Variants in SGCZ observed in about 807,000 individuals in gnomAD.
SGCZ encodes sarcoglycan zeta.
SGCZ carries 40 observed loss-of-function variants against 41.3 expected under a neutral mutation model. The ratio of observed to expected loss-of-function variants is 0.97; its 90% CI spans 0.75 to 1.26. The LOEUF is 1.26. SGCZ is among the 50% of genes most tolerant of loss of function. SGCZ has a pLI of 0.00. For synonymous variants in SGCZ, 206 were observed against 137.5 expected (o/e 1.50, Z -3.49); for missense variants, 552 against 369.8 (o/e 1.49, Z -4.04).
chr8:14,320,130 A>G (rs1476250463), intron 3 of SGCZ, among the ~76,000 whole-genome samples: 3 of 151,752 alleles, frequency 2.0e-5, no homozygotes, highest in East Asian at 1.9e-4. Flanking sequence ...GAGTGTAAAG[A>G]CTTTGGAGTG....
chr8:14,836,763 A>C, intron 1 of SGCZ, among the ~76,000 whole-genome samples: 1 of 152,166 alleles, frequency 6.6e-6, no homozygotes, highest in East Asian at 1.9e-4. Flanking sequence ...CGGCTTCCCA[A>C]AGTGCTCAGA....
At position 14,102,460 on chromosome 8, in the gene SGCZ, G is replaced by A. The variant is rs773988034; in HGVS notation, c.660C>T (p.Pro220=). ...SPTRSLIMEA[P]RGVQVSAAAG... ...CAGCAGCACTCACCTGGACCCCACG[G>A]GGAGCTTCCATGATCAAGGATCTGG... The change falls in exon 7 of 8, where the codon CCC becomes CCT. Residue 220 remains proline, a synonymous_variant. Transcript: ENST00000382080. The A allele has an allele frequency of 2.7e-6, 4 of 1,500,936 alleles. No individual in the cohort carries two copies. The highest frequency in any genetic ancestry group is 3.6e-6 in the Non-Finnish European group (4 of 1,109,780). The allele number at this position is 1,500,936 out of a possible 1,614,324, so 93.0% of individuals were successfully genotyped here.
chr8:14,149,840 T>G (rs1803644302), intron 5 of SGCZ, among the ~76,000 whole-genome samples: 1 of 151,616 alleles, frequency 6.6e-6, no homozygotes, highest in Non-Finnish European at 1.5e-5. Flanking sequence ...CATAGACAAA[T>G]AAAACATAAT....
At position 14,713,295 on chromosome 8, in the gene SGCZ, A is replaced by G. The variant is rs535627332; in HGVS notation, c.40-158369T>C. 2.6e-5 allele frequency among the ~76,000 whole-genome samples: 4 copies of G among 152,294 alleles called. No individual in the cohort carries two copies. The South Asian group carries it at 8.3e-4, about 32-fold the overall frequency. ...ACTTCAACATTGCAGAGTAACTTAC[A>G]TTTTCAGATATTTTCATCCATTGTT... On this transcript the variant is annotated intron_variant, in intron 1 of 7. Coordinates refer to ENST00000382080, the MANE Select transcript of SGCZ (RefSeq NM_139167.4).
At chr8:14,274,237 T>C (rs113365910) in intron 3 of SGCZ, among the ~76,000 whole-genome samples, 30 of 152,168 alleles carry the variant, frequency 2.0e-4, no homozygotes, top group African/African-American at 6.3e-4. Context: ...AAATAAAGCA[T>C]TGAACTTAAC....
chr8:15,072,969 A>T (rs1199028045), intron 1 of SGCZ, among the ~76,000 whole-genome samples: 2 of 152,004 alleles, frequency 1.3e-5, no homozygotes, highest in Non-Finnish European at 2.9e-5. Flanking sequence ...TGCTGCTGGG[A>T]GTGATTTTAG....
intron 1 of SGCZ, among the ~76,000 whole-genome samples, chr8:15,050,305 T>C (rs12542871): frequency 0.54 from 82,212 of 152,052 alleles, 22,814 homozygotes; most frequent in Admixed American, 0.62. Flanking sequence ...CAAAGATACA[T>C]GAACTTGTAG....
chr8:15,162,033 G>A (rs1328105779), intron 1 of SGCZ, among the ~76,000 whole-genome samples: 1 of 152,130 alleles, frequency 6.6e-6, no homozygotes, highest in Non-Finnish European at 1.5e-5. Flanking sequence ...GAGGCAAACT[G>A]CCTTGACTAT....
intron 2 of SGCZ, among the ~76,000 whole-genome samples, chr8:14,474,056 T>C (rs946832045): frequency 2.6e-5 from 4 of 151,926 alleles, no homozygotes. Flanking sequence ...TTGGGGAAAG[T>C]TATAGGGGAA....
At chr8:14,979,651 T>A (rs1254868907) in intron 1 of SGCZ, among the ~76,000 whole-genome samples, 2 of 152,222 alleles carry the variant, frequency 1.3e-5, no homozygotes. Context: ...TCAAAGGCAC[T>A]GTTATTAATA....
chr8:15,155,835 A>T (rs1207204987), intron 1 of SGCZ, among the ~76,000 whole-genome samples: 1 of 152,124 alleles, frequency 6.6e-6, no homozygotes, highest in Non-Finnish European at 1.5e-5. Flanking sequence ...AGGCAGGTGG[A>T]CTGCCTGAGC....
At chr8:14,727,170 A>G (rs1345300130) in intron 1 of SGCZ, among the ~76,000 whole-genome samples, 1 of 152,164 alleles carries the variant, frequency 6.6e-6, no homozygotes, top group Non-Finnish European at 1.5e-5. Flanking sequence ...AAATACCTGA[A>G]CAAACACTTC....
chr8:14,341,699 G>A (rs1183132662), intron 2 of SGCZ, among the ~76,000 whole-genome samples: 1 of 152,090 alleles, frequency 6.6e-6, no homozygotes, highest in African/African-American at 2.4e-5. Flanking sequence ...TGAATCATGG[G>A]GGCCAGTCAT....
intron 1 of SGCZ, among the ~76,000 whole-genome samples, chr8:15,219,551 T>C (rs1047806048): frequency 6.6e-6 from 1 of 152,230 alleles, no homozygotes; most frequent in Non-Finnish European, 1.5e-5. Context: ...CAGACTATGA[T>C]GGGAACTTTA....
At chr8:15,151,351 G>A (rs1799175918) in intron 1 of SGCZ, among the ~76,000 whole-genome samples, 1 of 152,136 alleles carries the variant, frequency 6.6e-6, no homozygotes. Context: ...TGTTGTTCAA[G>A]CCATTCAACT....
intron 2 of SGCZ, among the ~76,000 whole-genome samples, chr8:14,439,327 A>C (rs189620762): frequency 2.7e-5 from 4 of 149,376 alleles, no homozygotes; most frequent in African/African-American, 9.8e-5. Flanking sequence ...ATATATATAT[A>C]TATCTCCTCA....
intron 1 of SGCZ, among the ~76,000 whole-genome samples, chr8:14,627,726 A>G (rs1806510091): frequency 1.3e-5 from 2 of 150,640 alleles, no homozygotes; most frequent in Non-Finnish European, 3.0e-5. Context: ...TAGGAAAAAC[A>G]TATTCAGTCT....
At chr8:14,823,814 G>A (rs372571380) in intron 1 of SGCZ, among the ~76,000 whole-genome samples, 4 of 152,146 alleles carry the variant, frequency 2.6e-5, no homozygotes, top group African/African-American at 4.8e-5. Context: ...TAGACAAGAC[G>A]GATAATCAAA....
intron 1 of SGCZ, among the ~76,000 whole-genome samples, chr8:14,650,802 G>T (rs1222790875): frequency 1.3e-5 from 2 of 152,008 alleles, no homozygotes; most frequent in Non-Finnish European, 2.9e-5. Flanking sequence ...CATTATCACA[G>T]TAATATTACA....
Sources: gnomAD v4.1 joint callset for allele counts (sites outside exome capture counted in the v4.1 genomes callset) on GRCh38, gnomAD v4.1.1 for gene constraint, MANE v1.5 for transcripts, NCBI Gene and HGNC (gene_info 2026-07-23, HGNC 2026-07-21) for gene names.